Variants in C17orf99 observed in about 807,000 individuals in gnomAD.
The protein encoded by C17orf99 is chromosome 17 open reading frame 99, also known as protein IL-40.
A neutral mutation model predicts 22.6 loss-of-function variants in C17orf99; 18 were observed. The observed-to-expected ratio is 0.80, with a 90% CI of 0.55 to 1.18. The LOEUF (loss-of-function observed/expected upper bound fraction) is 1.18. Ranked by LOEUF, C17orf99 falls within the 50% of genes most tolerant of loss-of-function variation. C17orf99 has a pLI of 0.00. For missense variants in C17orf99, 328 were observed against 342.7 expected, an observed-to-expected ratio of 0.96 and a Z score of 0.34; for synonymous variants, 147 against 136.6, an observed-to-expected ratio of 1.08 and a Z score of -0.53.
chr17:78,163,725 A>G (rs2075595216), intron 3 of C17orf99, among the ~76,000 whole-genome samples: 2 of 152,044 alleles, frequency 1.3e-5, no homozygotes, highest in South Asian at 4.1e-4. Context: ...AATTAGCTGG[A>G]TGTGGTGGTG....
At position 78,164,101 on chromosome 17, in the gene C17orf99, T is replaced by C; in HGVS notation, c.377T>C (p.Val126Ala). The change falls in exon 4 of 5, where the codon GTG becomes GCG. Residue 126 changes from valine to alanine, a missense_variant. Val to Ala is a moderately conservative substitution (Grantham distance 64). Coordinates refer to ENST00000340363, the MANE Select transcript of C17orf99 (RefSeq NM_001163075.2). ...QMHWELWSKP[V>A]SELRANFTLQ... Reference sequence around the variant, plus strand: ...CCTTCTCCCACCCTGCCAGAGCCAGTGTCTGAGCTGCGGGCCAACTTCACT... The same window carrying C: ...CCTTCTCCCACCCTGCCAGAGCCAGCGTCTGAGCTGCGGGCCAACTTCACT... 6.4e-7 allele frequency: 1 copy of C among 1,551,656 alleles called. No homozygotes were observed. Among genetic ancestry groups the C allele is most frequent in the Admixed American group, 2.0e-5 (1 of 51,004 alleles).
At chr17:78,158,419 C>T (rs754289208) in intron 2 of C17orf99, 22 of 218,852 alleles carry the variant, frequency 1.0e-4, no homozygotes, top group Admixed American at 1.0e-4. Context: ...CTCAGCCTCC[C>T]GAGTAGCTGG....
chr17:78,160,578 A>G (rs964646717), intron 2 of C17orf99, among the ~76,000 whole-genome samples: 2 of 148,468 alleles, frequency 1.3e-5, no homozygotes, highest in African/African-American at 2.5e-5. Context: ...TGCTAAACCC[A>G]GCATCCTTTT....
chr17:78,157,387 C>A, intron 2 of C17orf99: 2 of 1,184,068 alleles, frequency 1.7e-6, no homozygotes, highest in Non-Finnish European at 1.2e-6. Flanking sequence ...AGGGTTGAGT[C>A]AGTGAGTTCG....
At position 78,165,948 on chromosome 17, in the gene C17orf99, C is replaced by T; in HGVS notation, c.700C>T (p.Pro234Ser). 6.7e-7 allele frequency: 1 copy of T among 1,485,580 alleles called. No homozygotes were observed. The allele number at this position is 1,485,580 out of a possible 1,614,324, so 92.0% of individuals were successfully genotyped here. ...GPLESPILAL[P>S]LYRSTRRLSE... ...CCTGGAGAGCCCCATCCTTGCCTTG[C>T]CGCTCTACAGGAGCACCCGCCGTCT... The change falls in exon 5 of 5, where the codon CCG becomes TCG. Residue 234 changes from proline (P) to serine (S), a missense_variant. Coordinates refer to ENST00000340363, the MANE Select transcript of C17orf99 (RefSeq NM_001163075.2).
chr17:78,149,801 C>T (rs1039237467), intron 2 of C17orf99, among the ~76,000 whole-genome samples: 1 of 152,046 alleles, frequency 6.6e-6, no homozygotes, highest in Admixed American at 6.6e-5. Context: ...CCTCCACCTC[C>T]CAGGTTCAAG....
intron 2 of C17orf99, chr17:78,158,237 G>A (rs144182273): frequency 6.8e-6 from 4 of 586,228 alleles, no homozygotes; most frequent in South Asian, 1.5e-5. Flanking sequence ...CCTCCCAAGA[G>A]GCCCCCTCCC....
chr17:78,156,524 T>C (rs577463536), intron 2 of C17orf99, among the ~76,000 whole-genome samples: 57 of 152,144 alleles, frequency 3.7e-4, no homozygotes, highest in African/African-American at 1.3e-3. Context: ...GGGCTGGTTT[T>C]GATCTGGGTC....
intron 3 of C17orf99, among the ~76,000 whole-genome samples, chr17:78,162,532 G>C (rs1225022319): frequency 1.3e-5 from 2 of 151,988 alleles, no homozygotes; most frequent in Non-Finnish European, 2.9e-5. Flanking sequence ...CAGCCTAGGG[G>C]AGATGAGCCC....
chr17:78,156,332 GAAA>G, intron 2 of C17orf99, among the ~76,000 whole-genome samples: 1 of 63,386 alleles, frequency 1.6e-5, no homozygotes, highest in African/African-American at 5.7e-5. Flanking sequence ...TCCTTCTCCA[GAAA>G]AAAAAAAAAA....
intron 2 of C17orf99, chr17:78,159,047 G>T (rs2075551690): frequency 6.2e-6 from 1 of 161,756 alleles, no homozygotes. Context: ...GGAGAGCCCT[G>T]CCCCCACGGG....
At position 78,146,833 on chromosome 17, in the gene C17orf99, C is replaced by T. The variant is rs1373688145; in HGVS notation, c.38-46C>T. On this transcript the variant is annotated intron_variant, in intron 1 of 4. Transcript: ENST00000340363. The surrounding 1 kb of genome is among the most constrained non-coding windows in gnomAD (Gnocchi z 5.2). ...GGGTCTCGAGGCTGTCTCTGGTCTC[C>T]CCTCCACACCAGGCCCTCTCCTTAT... The T allele has an allele frequency of 3.9e-6, 6 of 1,542,128 alleles. No homozygotes were observed. The African/African-American group carries it at 6.9e-5, about 18-fold the overall frequency.
At chr17:78,158,078 T>C (rs7210981) in intron 2 of C17orf99, 556,625 of 1,087,812 alleles carry the variant, frequency 0.51, 145,334 homozygotes, top group Middle Eastern at 0.61. Flanking sequence ...GCGAGAGGAC[T>C]TTCGTCTGCA....
At chr17:78,147,794 G>A (rs1474958370) in intron 2 of C17orf99, among the ~76,000 whole-genome samples, 1 of 152,086 alleles carries the variant, frequency 6.6e-6, no homozygotes, top group East Asian at 1.9e-4. Context: ...TTTAAAAACG[G>A]ATACATTGTT....
chr17:78,153,070 G>C (rs1180272265), intron 2 of C17orf99, among the ~76,000 whole-genome samples: 1 of 145,026 alleles, frequency 6.9e-6, no homozygotes, highest in Non-Finnish European at 1.5e-5. Context: ...GACAAAGCAA[G>C]AGCCTGTCTC....
At position 78,164,122 on chromosome 17, in the gene C17orf99, T is replaced by G. The variant is rs943727197; in HGVS notation, c.398T>G (p.Phe133Cys). Residue 133 changes from phenylalanine to cysteine, a missense_variant, in exon 4 of 5, where the codon TTC (phenylalanine) becomes TGC (cysteine). Physicochemically the swap from Phe to Cys is radical, Grantham distance 205 (BLOSUM62 -2). Transcript: ENST00000340363. ...SKPVSELRAN[F>C]TLQDRGAGPR... ...CCAGTGTCTGAGCTGCGGGCCAACT[T>G]CACTCTGCAGGACAGAGGGGCAGGC... The G allele has an allele frequency of 1.9e-5, 30 of 1,551,616 alleles. No individual in the cohort carries two copies. The highest frequency in any genetic ancestry group is 2.4e-5 in the East Asian group (1 of 40,942).
At chr17:78,146,291 G>A, upstream of C17orf99, 2 of 916,398 alleles carry the variant, frequency 2.2e-6, no homozygotes, top group Non-Finnish European at 3.2e-6. This position sits in a 1 kb window ranked among gnomAD's most constrained non-coding sequence, Gnocchi z 5.2. Context: ...GCGGCCTCCA[G>A]GTTATCTCCC....
rs1384101422 is a variant in C17orf99, at chr17:78,146,866, A to T, written c.38-13A>T. On this transcript the variant is annotated splice_polypyrimidine_tract_variant and intron_variant, in intron 1 of 4. Transcript: ENST00000340363. This position sits in a 1 kb window ranked among gnomAD's most constrained non-coding sequence, Gnocchi z 5.2. ...ACCAGGCCCTCTCCTTATCGCCCTT[A>T]CCTCTCTTACAGCTGCCAGCAGCTT... 1 of 1,551,038 alleles carries T rather than the reference A, an allele frequency of 6.4e-7. No homozygotes were observed. The highest frequency in any genetic ancestry group is 1.2e-5 in the South Asian group (1 of 84,028).
intron 2 of C17orf99, among the ~76,000 whole-genome samples, chr17:78,155,744 A>G (rs2075520432): frequency 1.3e-5 from 2 of 152,022 alleles, no homozygotes; most frequent in Non-Finnish European, 2.9e-5. Context: ...CTCTGGCCTC[A>G]GTCTTCTGAG....
Sources: allele counts gnomAD v4.1 joint callset (sites outside exome capture counted in the v4.1 genomes callset), GRCh38; gene constraint gnomAD v4.1.1; non-coding constraint Gnocchi (gnomAD v3.1); transcripts MANE v1.5; gene names NCBI Gene and HGNC (gene_info 2026-07-23, HGNC 2026-07-21).